Variants in EPAS1 observed in about 807,000 individuals in gnomAD.
The protein encoded by EPAS1 is endothelial PAS domain-containing protein 1.
EPAS1 carries 23 observed loss-of-function variants against 87.9 expected under a neutral mutation model. That is an observed-to-expected ratio of 0.26 (90% CI 0.19 to 0.37). EPAS1 has a LOEUF of 0.37. Among genes scored for constraint, EPAS1 ranks in the 10% least tolerant of loss-of-function variants. The pLI, the probability that EPAS1 is intolerant of heterozygous loss-of-function variation, is 1.00. For synonymous variants in EPAS1, 508 were observed against 444.3 expected (o/e 1.14, Z -1.80); for missense variants, 1,138 against 1,120.7 (o/e 1.02, Z -0.22).
Position 46,385,572 on chromosome 2 carries a change from G to T in EPAS1, c.*912G>T, listed in dbSNP as rs1685000382. On this transcript the variant is annotated 3_prime_UTR_variant, in exon 16 of 16. Transcript: ENST00000263734. Reference sequence around the variant, plus strand: ...CACGGCCTGTACGGACACTGTGGAAGGCCTCCCTCTGTCGGCTTTTTGCCA... The same window carrying T: ...CACGGCCTGTACGGACACTGTGGAATGCCTCCCTCTGTCGGCTTTTTGCCA... 1 of 152,190 alleles carries T rather than the reference G, an allele frequency of 6.6e-6. No homozygotes were observed. Among genetic ancestry groups the T allele is most frequent in the Admixed American group, 6.5e-5 (1 of 15,282 alleles). The allele number at this position is 152,190 out of a possible 1,614,324, so 9.4% of individuals were successfully genotyped here.
In EPAS1 at chr2:46,386,178, G is replaced by A. The variant is rs903812360; in HGVS notation, c.*1518G>A. On this transcript the variant is annotated 3_prime_UTR_variant, in exon 16 of 16. Transcript: ENST00000263734. The stretch of plus-strand genomic sequence containing the variant: ...TCCCAGAGCACTTTGCAACTCCCTG[G>A]GTAAGAGGGACGACACCTCTGGTTT... 2.0e-5 allele frequency: 3 copies of A among 152,630 alleles called. No individual in the cohort carries two copies. The highest frequency in any genetic ancestry group is 4.4e-5 in the Non-Finnish European group (3 of 68,040). 9.5% of individuals were successfully genotyped at this position (152,630 alleles called of 1,614,324 possible).
chr2:46,381,922 G>A, intron 13 of EPAS1, 53 bp from the exon 14 acceptor site: 1 of 1,511,230 alleles, frequency 6.6e-7, no homozygotes, highest in Non-Finnish European at 9.1e-7. Flanking sequence ...ACCCAGTCTG[G>A]GGACCTGGTT....
chr2:46,321,903 T>A (rs945179510), intron 1 of EPAS1, among the ~76,000 whole-genome samples: 1 of 152,228 alleles, frequency 6.6e-6, no homozygotes, highest in Non-Finnish European at 1.5e-5. Context: ...CAGTTCGTGC[T>A]GTGGAGCATG....
chr2:46,376,556 A>C lies in EPAS1; in HGVS notation c.1052A>C (p.Asp351Ala). Residue 351 changes from aspartate to alanine, a missense_variant, in exon 9 of 16, where the codon GAC (aspartate) becomes GCC (alanine). Asp to Ala is a moderately radical substitution (Grantham distance 126, BLOSUM62 -2). Transcript: ENST00000263734. Reference protein sequence around the residue: ...NYVLSEIEKNDVVFSMDQTES... With the variant: ...NYVLSEIEKNAVVFSMDQTES... Reference sequence around the variant, plus strand: ...CCCATTAGTGAGATTGAGAAGAATGACGTGGTGTTCTCCATGGACCAGACT... The same window carrying C: ...CCCATTAGTGAGATTGAGAAGAATGCCGTGGTGTTCTCCATGGACCAGACT... 6.2e-7 allele frequency: 1 copy of C among 1,614,102 alleles called. No homozygotes were observed. Among genetic ancestry groups the C allele is most frequent in the Non-Finnish European group, 8.5e-7 (1 of 1,180,010 alleles).
intron 2 of EPAS1, among the ~76,000 whole-genome samples, chr2:46,355,295 G>A (rs1214875351): frequency 6.6e-6 from 1 of 152,240 alleles, no homozygotes; most frequent in Non-Finnish European, 1.5e-5. Flanking sequence ...TTTAGCTGAT[G>A]AGGAAAGTGA....
intron 6 of EPAS1, among the ~76,000 whole-genome samples, chr2:46,365,138 T>A (rs562404471): frequency 6.6e-6 from 1 of 152,334 alleles, no homozygotes; most frequent in East Asian, 1.9e-4. Context: ...GCCTTTCTAA[T>A]TATCATATAA....
Position 46,386,620 on chromosome 2 carries a change from A to C in EPAS1, c.*1960A>C, listed in dbSNP as rs927266778. The C allele has an allele frequency of 1.3e-5, 2 of 152,688 alleles. No homozygotes were observed. Among genetic ancestry groups the C allele is most frequent in the Non-Finnish European group, 2.9e-5 (2 of 68,042 alleles). The allele number at this position is 152,688 out of a possible 1,614,324, so 9.5% of individuals were successfully genotyped here. On this transcript the variant is annotated 3_prime_UTR_variant, in exon 16 of 16. Transcript: ENST00000263734. ...ATATTGTCGAATTCCTACTGACAAC[A>C]TTATAACTGTATGGGAGCTTAACTT...
rs765717751 is a variant in EPAS1 at position 46,382,578 on chromosome 2, C to G, written c.2441C>G (p.Ser814Trp). 1 of 1,614,146 alleles carries G rather than the reference C, an allele frequency of 6.2e-7. No individual in the cohort carries two copies. The highest frequency in any genetic ancestry group is 1.1e-5 in the South Asian group (1 of 91,078). ...ACCCAGTACCAGGACTACAGCCTGT[C>G]GTCAGCCCACAAGGTGTCAGGTGGG... ...YATQYQDYSL[S>W]SAHKVSGMAS... Residue 814 changes from serine (S) to tryptophan (W), a missense_variant, in exon 15 of 16, where the codon TCG becomes TGG. Around this residue, in one of 4 missense-constraint regions of EPAS1, gnomAD observed 502 missense variants for 427.1 expected, o/e 1.18. Coordinates refer to ENST00000263734, the MANE Select transcript of EPAS1 (RefSeq NM_001430.5).
At chr2:46,368,242 T>C (rs1033739333) in intron 6 of EPAS1, among the ~76,000 whole-genome samples, 1 of 152,100 alleles carries the variant, frequency 6.6e-6, no homozygotes, top group Admixed American at 6.5e-5. Flanking sequence ...TGGAGAGGGC[T>C]CTGTGGAGAA....
At chr2:46,364,670 T>A (rs978712255) in intron 6 of EPAS1, among the ~76,000 whole-genome samples, 1 of 152,236 alleles carries the variant, frequency 6.6e-6, no homozygotes, top group African/African-American at 2.4e-5. Flanking sequence ...TCGGTCACAT[T>A]TATGTACCTA....
intron 1 of EPAS1, among the ~76,000 whole-genome samples, chr2:46,345,593 T>C (rs1684008917): frequency 6.6e-6 from 1 of 152,058 alleles, no homozygotes; most frequent in East Asian, 1.9e-4. Flanking sequence ...ATAATAATAA[T>C]AATAATAATG....
At chr2:46,351,701 A>G (rs551769751) in intron 2 of EPAS1, among the ~76,000 whole-genome samples, 1 of 152,340 alleles carries the variant, frequency 6.6e-6, no homozygotes, top group East Asian at 1.9e-4. Flanking sequence ...AGACCCCATC[A>G]GAATGGCTTT....
chr2:46,316,703 C>T (rs766694435), intron 1 of EPAS1, among the ~76,000 whole-genome samples: 3 of 152,148 alleles, frequency 2.0e-5, no homozygotes, highest in Non-Finnish European at 2.9e-5. Flanking sequence ...ATTAGTGTGA[C>T]GGTTGCTGAA....
At chr2:46,314,821 G>A (rs1683280286) in intron 1 of EPAS1, among the ~76,000 whole-genome samples, 1 of 152,176 alleles carries the variant, frequency 6.6e-6, no homozygotes, top group African/African-American at 2.4e-5. Flanking sequence ...GTTGGGCATG[G>A]CCCAACCCAC....
In EPAS1 at chr2:46,384,612, G is replaced by A. The variant is rs756321544; in HGVS notation, c.2565G>A (p.Thr855=). 8.1e-6 allele frequency: 13 copies of A among 1,613,958 alleles called. 1 individual carries two copies. In the Middle Eastern group the frequency reaches 4.9e-4, roughly 61 times the overall value. ...ACGTGCCCGTGCTGGGAAGCTCCAC[G>A]CTCCTGCAAGGAGGGGACCTCCTCA... ...EVNVPVLGSS[T]LLQGGDLLRA... The change falls in exon 16 of 16, where the codon ACG becomes ACA. Residue 855 remains threonine (T), a synonymous_variant. Transcript: ENST00000263734.
chr2:46,350,488 G>A (rs867683097), intron 2 of EPAS1, among the ~76,000 whole-genome samples: 1 of 152,186 alleles, frequency 6.6e-6, no homozygotes, highest in Non-Finnish European at 1.5e-5. Flanking sequence ...GTGGGTCTGG[G>A]CTGCCGATTG....
chr2:46,322,238 G>A (rs750346066), intron 1 of EPAS1, among the ~76,000 whole-genome samples: 5 of 152,080 alleles, frequency 3.3e-5, no homozygotes, highest in East Asian at 3.8e-4. Context: ...TTCTCCACCC[G>A]CTAGGTTCTT....
chr2:46,372,858 G>A (rs1248816943), intron 7 of EPAS1, among the ~76,000 whole-genome samples: 1 of 152,244 alleles, frequency 6.6e-6, no homozygotes, highest in East Asian at 1.9e-4. Context: ...TTAAATACAG[G>A]CACTTGAAAT....
intron 1 of EPAS1, among the ~76,000 whole-genome samples, chr2:46,321,429 T>G (rs1467469809): frequency 6.6e-6 from 1 of 152,224 alleles, no homozygotes; most frequent in Non-Finnish European, 1.5e-5. Flanking sequence ...GTGTTTATTT[T>G]TTTCAAAAAC....
Sources: gnomAD v4.1 joint callset for allele counts (sites outside exome capture counted in the v4.1 genomes callset) on GRCh38, gnomAD v4.1.1 for gene constraint, gnomAD v4.1.1 regional missense constraint, MANE v1.5 for transcripts, NCBI Gene and HGNC (gene_info 2026-07-23, HGNC 2026-07-21) for gene names.